Variants in LRIG1 observed in about 807,000 individuals in gnomAD.
LRIG1 encodes the protein leucine-rich repeats and immunoglobulin-like domains protein 1.
A neutral mutation model predicts 99.2 loss-of-function variants in LRIG1; 48 were observed. That is an observed-to-expected ratio of 0.48 (90% CI 0.38 to 0.62). LRIG1 has a LOEUF of 0.62. Ranked by LOEUF, LRIG1 falls within the 20% of genes least tolerant of loss-of-function variation. LRIG1 has a pLI of 0.00. For synonymous variants in LRIG1, 772 were observed against 596.1 expected (o/e 1.29, Z -4.30); for missense variants, 1,646 against 1,434.4 (o/e 1.15, Z -2.38).
intron 8 of LRIG1, chr3:66,405,609 G>C: frequency 1.6e-6 from 1 of 634,698 alleles, no homozygotes; most frequent in Non-Finnish European, 2.3e-6. Flanking sequence ...CCCCAGCACT[G>C]AGAATCAACC....
chr3:66,472,031 G>A (rs964172726), intron 1 of LRIG1, among the ~76,000 whole-genome samples: 32 of 152,082 alleles, frequency 2.1e-4, no homozygotes, highest in South Asian at 8.3e-4. Context: ...CGGGCCAGGC[G>A]TGGTGGCTCA....
chr3:66,414,573 A>G (rs549609898), intron 5 of LRIG1, among the ~76,000 whole-genome samples: 3 of 152,318 alleles, frequency 2.0e-5, no homozygotes, highest in South Asian at 2.1e-4. Flanking sequence ...TTTTACGGGT[A>G]TCTTAAAAAA....
rs554245093 is a variant in LRIG1 at position 66,386,128 on chromosome 3, C to G, written c.1642G>C (p.Val548Leu). Residue 548 changes from valine (V) to leucine (L), a missense_variant, in exon 13 of 19, where the codon GTC (valine) becomes CTC (leucine). By Grantham distance (32) the Val-to-Leu change is conservative (BLOSUM62 1). Transcript: ENST00000273261. ...ATCACTTCCCCGTCCTGCGCGTGGACGTGGACAAAGTTCTCCATGTCTGCA... is the reference window on the plus strand; with the variant it reads ...ATCACTTCCCCGTCCTGCGCGTGGAGGTGGACAAAGTTCTCCATGTCTGCA... ...TNADMENFVH[V>L]HAQDGEVMEY... is the part of the protein sequence containing the mutation. 2 of 1,614,132 alleles carry G rather than the reference C, an allele frequency of 1.2e-6. No individual in the cohort carries two copies. Among genetic ancestry groups the G allele is most frequent in the South Asian group, 1.1e-5 (1 of 91,074 alleles).
At chr3:66,437,407 G>A (rs1034737281) in intron 3 of LRIG1, among the ~76,000 whole-genome samples, 3 of 152,184 alleles carry the variant, frequency 2.0e-5, no homozygotes, top group African/African-American at 4.8e-5. Flanking sequence ...TGGGCCAGGC[G>A]GCCTCTCACA....
chr3:66,404,299 T>C (rs1308952567), intron 9 of LRIG1: 1 of 1,289,234 alleles, frequency 7.8e-7, no homozygotes, highest in South Asian at 1.2e-5. Flanking sequence ...ACACTCGCAC[T>C]CTGCTGAGCT....
At chr3:66,408,562 C>A (rs577123456) in intron 7 of LRIG1, among the ~76,000 whole-genome samples, 1 of 152,328 alleles carries the variant, frequency 6.6e-6, no homozygotes, top group South Asian at 2.1e-4. Context: ...CCGCAGAAGA[C>A]AGCATGCCAT....
chr3:66,381,446 A>G, intron 17 of LRIG1, 33 bp downstream of exon 17: 1 of 1,595,564 alleles, frequency 6.3e-7, no homozygotes, highest in South Asian at 1.1e-5. Flanking sequence ...CCATTTCAGA[A>G]AGAAACTACT....
intron 12 of LRIG1, among the ~76,000 whole-genome samples, chr3:66,392,465 G>A (rs1701658380): frequency 6.6e-6 from 1 of 152,174 alleles, no homozygotes; most frequent in African/African-American, 2.4e-5. Flanking sequence ...CTGAGTTTTG[G>A]ATTCTAGCTG....
intron 2 of LRIG1, among the ~76,000 whole-genome samples, chr3:66,454,278 TC>T (rs1305464709): frequency 6.6e-6 from 1 of 152,058 alleles, no homozygotes; most frequent in Non-Finnish European, 1.5e-5. Flanking sequence ...AAGAATACTC[TC>T]CTCAGAAGGC....
At chr3:66,407,623 G>GCCCA in intron 7 of LRIG1, 132 bp from the exon 8 acceptor site, 1 of 852,242 alleles carries the variant, frequency 1.2e-6, no homozygotes, top group South Asian at 1.6e-5. Context: ...GCGCGTGCGT[G>GCCCA]CACACACACA....
rs148772380 is a variant in LRIG1 at position 66,393,992 on chromosome 3, T to C, written c.1468+48A>G. 6.9e-5 allele frequency: 111 copies of C among 1,601,304 alleles called. No individual in the cohort carries two copies. The East Asian group carries it at 2.1e-3, about 30-fold the overall frequency. On this transcript the variant is annotated intron_variant, in intron 12 of 18. Coordinates refer to ENST00000273261, the MANE Select transcript of LRIG1 (RefSeq NM_015541.3). ...CCCATAATGAAGAGTACCTCCTGGC[T>C]TCCTTGTCCTTCATGAAGGAGAGAA...
chr3:66,487,180 A>C (rs1700994323), intron 1 of LRIG1, among the ~76,000 whole-genome samples: 1 of 152,340 alleles, frequency 6.6e-6, no homozygotes. Context: ...TCTCTCTAAA[A>C]GTTCTGACAT....
At chr3:66,487,311 C>A (rs1217905124) in intron 1 of LRIG1, among the ~76,000 whole-genome samples, 1 of 152,166 alleles carries the variant, frequency 6.6e-6, no homozygotes, top group African/African-American at 2.4e-5. Flanking sequence ...AACAGACCCT[C>A]AGCACAAAGA....
chr3:66,451,863 G>A (rs182013041), intron 2 of LRIG1, among the ~76,000 whole-genome samples: 7 of 152,282 alleles, frequency 4.6e-5, no homozygotes, highest in Non-Finnish European at 1.0e-4. Flanking sequence ...ACACTAAGGG[G>A]AAGCATCTCC....
At chr3:66,441,797 A>AGTGAGCAT (rs945055921) in intron 3 of LRIG1, among the ~76,000 whole-genome samples, 4 of 152,228 alleles carry the variant, frequency 2.6e-5, no homozygotes, top group Non-Finnish European at 5.9e-5. Context: ...CCAAGTGTAC[A>AGTGAGCAT]GTGAGCATAA....
At chr3:66,405,091 TC>T in intron 9 of LRIG1, 106 bp downstream of exon 9, 1 of 940,702 alleles carries the variant, frequency 1.1e-6, no homozygotes, top group Non-Finnish European at 1.7e-6. Context: ...CAGCTCCTCT[TC>T]CGCCTGGGCC....
intron 3 of LRIG1, among the ~76,000 whole-genome samples, chr3:66,450,696 A>C (rs1703876661): frequency 6.6e-6 from 1 of 152,236 alleles, no homozygotes; most frequent in African/African-American, 2.4e-5. Flanking sequence ...GAAAAGATTC[A>C]TATAGGTGAG....
At chr3:66,472,079 C>A in intron 1 of LRIG1, among the ~76,000 whole-genome samples, 1 of 152,000 alleles carries the variant, frequency 6.6e-6, no homozygotes, top group South Asian at 2.1e-4. Flanking sequence ...CCAAGGCAGG[C>A]AGACCATGAG....
At chr3:66,391,106 A>G (rs933643498) in intron 12 of LRIG1, among the ~76,000 whole-genome samples, 3 of 152,184 alleles carry the variant, frequency 2.0e-5, no homozygotes, top group Non-Finnish European at 4.4e-5. Context: ...CAAAACCACC[A>G]TGAGACTCTA....
Sources: allele counts gnomAD v4.1 joint callset (sites outside exome capture counted in the v4.1 genomes callset), GRCh38; gene constraint gnomAD v4.1.1; transcripts MANE v1.5; gene names NCBI Gene and HGNC (gene_info 2026-07-23, HGNC 2026-07-21).